ASIC2: variants seen among roughly 807,000 people sequenced by gnomAD.
The protein encoded by ASIC2 is acid sensing ion channel subunit 2.
Under a neutral mutation model 57.3 loss-of-function variants are expected in ASIC2, and 25 were observed. That is an observed-to-expected ratio of 0.44 (90% CI 0.32 to 0.61). The LOEUF (loss-of-function observed/expected upper bound fraction) is 0.61. ASIC2 is among the 20% of genes least tolerant of loss of function. The probability of loss-of-function intolerance (pLI) is 0.06; values close to 1 mark genes in which losing one functional copy is unlikely to be tolerated. For missense variants in ASIC2, 641 were observed against 738.1 expected (o/e 0.87, Z 1.52); for synonymous variants, 319 against 307.5 (o/e 1.04, Z -0.39).
intron 1 of ASIC2, among the ~76,000 whole-genome samples, chr17:34,024,432 A>G (rs763409222): frequency 8.5e-5 from 13 of 152,232 alleles, no homozygotes; most frequent in Non-Finnish European, 1.3e-4. Context: ...TAGGCAAACC[A>G]TGCACTGGGC....
chr17:33,578,635 G>A (rs1916726784), intron 1 of ASIC2, among the ~76,000 whole-genome samples: 1 of 151,958 alleles, frequency 6.6e-6, no homozygotes, highest in African/African-American at 2.4e-5. Flanking sequence ...CAGTCACTAT[G>A]TCATTAGACT....
rs754792304 is a variant in ASIC2, at chr17:34,011,003, C to CACACACACACATAG, written c.555+144974_555+144975insCTATGTGTGTGTGT. On this transcript the variant is annotated intron_variant, in intron 1 of 9. Transcript: ENST00000359872. ...ACACACATACCTCTAGTCAGACACA[C>CACACACACACATAG]ACACACACAGATGCCAAAGTCAGAC... Among the ~76,000 whole-genome samples the CACACACACACATAG allele has an allele frequency of 2.4e-3, 142 of 58,902 alleles. 4 individuals are homozygous for CACACACACACATAG. The highest frequency in any genetic ancestry group is 7.5e-3 in the African/African-American group (139 of 18,450). The allele number at this position is 58,902 out of a possible 152,430, so 38.6% of individuals were successfully genotyped here.
At chr17:33,871,338 G>C (rs1914400994) in intron 1 of ASIC2, among the ~76,000 whole-genome samples, 1 of 152,218 alleles carries the variant, frequency 6.6e-6, no homozygotes, top group Admixed American at 6.5e-5. Context: ...GGCAGCACTT[G>C]AAGAAATAAC....
intron 1 of ASIC2, among the ~76,000 whole-genome samples, chr17:33,461,105 G>A (rs1051817465): frequency 6.6e-6 from 1 of 152,122 alleles, no homozygotes; most frequent in African/African-American, 2.4e-5. Context: ...CTCTATATAA[G>A]AAATGTAACC....
At chr17:33,891,233 C>T (rs1262064755) in intron 1 of ASIC2, among the ~76,000 whole-genome samples, 2 of 152,164 alleles carry the variant, frequency 1.3e-5, no homozygotes, top group Non-Finnish European at 2.9e-5. Flanking sequence ...CCCTGTGTTC[C>T]TTACCACCCA....
At chr17:33,290,935 C>T (rs1905397820) in intron 1 of ASIC2, 1 of 155,120 alleles carries the variant, frequency 6.4e-6, no homozygotes, top group African/African-American at 2.4e-5. Context: ...CGTGATTCCC[C>T]TGATGATCCA....
chr17:33,293,024 C>T lies in ASIC2; in HGVS notation c.-909G>A. On this transcript the variant is annotated 5_prime_UTR_variant, in exon 1 of 10. Transcript: ENST00000225823. ...CCAGAAAAGCCCAGCCTTGCTGTCT[C>T]TCGCGTCTTCTCTCTGCCCCCGCGG... 1 of 985,598 alleles carries T rather than the reference C, an allele frequency of 1.0e-6. No homozygotes were observed. Among genetic ancestry groups the T allele is most frequent in the Non-Finnish European group, 1.2e-6 (1 of 830,040 alleles). 61.1% of individuals were successfully genotyped at this position (985,598 alleles called of 1,614,324 possible). A position where few individuals can be genotyped will look rare whatever the true frequency, so the allele number is the denominator to read the frequency against.
At chr17:33,771,687 T>C (rs1482323416) in intron 1 of ASIC2, among the ~76,000 whole-genome samples, 1 of 152,226 alleles carries the variant, frequency 6.6e-6, no homozygotes, top group Non-Finnish European at 1.5e-5. Context: ...GTTGGTCAGA[T>C]CAGCATTAGA....
rs765688526 is a variant in ASIC2, at chr17:34,047,506, C to CAAAA, written c.555+108471_555+108472insTTTT. Among the ~76,000 whole-genome samples the CAAAA allele has an allele frequency of 2.2e-4, 15 of 68,300 alleles. 3 individuals are homozygous for CAAAA. The highest frequency in any genetic ancestry group is 2.8e-4 in the African/African-American group (6 of 21,180). The allele number at this position is 68,300 out of a possible 152,430, so 44.8% of individuals were successfully genotyped here. ...TCTTAACATGATGTACACCTTTCTC[C>CAAAA]AGAAAAAAAAAAAAAAAAAAAAAAA... On this transcript the variant is annotated intron_variant, in intron 1 of 9. Coordinates refer to the ASIC2 transcript ENST00000359872.
chr17:33,367,238 G>A (rs1297230673), intron 1 of ASIC2, among the ~76,000 whole-genome samples: 1 of 152,216 alleles, frequency 6.6e-6, no homozygotes, highest in Non-Finnish European at 1.5e-5. Context: ...GAGGCTCAGA[G>A]GTGAGTGTAT....
intron 1 of ASIC2, among the ~76,000 whole-genome samples, chr17:33,701,782 G>A (rs1412438367): frequency 1.3e-5 from 2 of 152,178 alleles, no homozygotes; most frequent in East Asian, 1.9e-4. Context: ...GAAAGCCTTC[G>A]GATTAAGATG....
intron 1 of ASIC2, among the ~76,000 whole-genome samples, chr17:33,466,492 C>A (rs759725113): frequency 6.6e-6 from 1 of 152,202 alleles, no homozygotes; most frequent in South Asian, 2.1e-4. Flanking sequence ...AAAAAAAAAC[C>A]TACTTTCAAG....
intron 1 of ASIC2, among the ~76,000 whole-genome samples, chr17:33,766,642 T>C (rs1910943723): frequency 6.6e-6 from 1 of 152,220 alleles, no homozygotes; most frequent in Admixed American, 6.5e-5. Flanking sequence ...ATTATTATTA[T>C]TATTTACCTA....
chr17:33,196,513 T>C (rs1906635342), intron 1 of ASIC2, among the ~76,000 whole-genome samples: 1 of 152,110 alleles, frequency 6.6e-6, no homozygotes, highest in Non-Finnish European at 1.5e-5. Flanking sequence ...CTGAAGAGCA[T>C]ACATAGAATT....
intron 1 of ASIC2, among the ~76,000 whole-genome samples, chr17:33,388,311 T>C (rs1334231909): frequency 6.6e-6 from 1 of 152,186 alleles, no homozygotes; most frequent in Non-Finnish European, 1.5e-5. Flanking sequence ...TAGTAATACG[T>C]ATTTTGGACT....
chr17:33,585,728 G>A (rs192705270), intron 1 of ASIC2, among the ~76,000 whole-genome samples: 4 of 152,330 alleles, frequency 2.6e-5, no homozygotes, highest in African/African-American at 7.2e-5. Context: ...ATGGCAACCA[G>A]GTAGGATGTT....
intron 1 of ASIC2, among the ~76,000 whole-genome samples, chr17:33,372,649 G>A (rs893456085): frequency 1.3e-5 from 2 of 152,096 alleles, no homozygotes; most frequent in African/African-American, 4.8e-5. Flanking sequence ...CCACACTCTG[G>A]CCTCTCATGC....
chr17:33,565,630 T>C (rs2094401460), intron 1 of ASIC2: 1 of 152,194 alleles, frequency 6.6e-6, no homozygotes. Context: ...GACTCCACCC[T>C]CAGACTGATC....
chr17:33,018,061 C>T (rs552575517), intron 7 of ASIC2, among the ~76,000 whole-genome samples: 77 of 152,260 alleles, frequency 5.1e-4, no homozygotes, highest in African/African-American at 1.8e-3. Context: ...TGACAGGTGC[C>T]CTGGGTGGGA....
Sources: gnomAD v4.1 joint callset for allele counts (sites outside exome capture counted in the v4.1 genomes callset) on GRCh38, gnomAD v4.1.1 for gene constraint, MANE v1.5 for transcripts, NCBI Gene and HGNC (gene_info 2026-07-23, HGNC 2026-07-21) for gene names.